Variants in ENPP2 observed in about 807,000 individuals in gnomAD.
ENPP2 encodes ectonucleotide pyrophosphatase/phosphodiesterase 2.
A neutral mutation model predicts 120.2 loss-of-function variants in ENPP2; 51 were observed. The ratio of observed to expected loss-of-function variants is 0.42; its 90% CI spans 0.34 to 0.54. The LOEUF (loss-of-function observed/expected upper bound fraction) is 0.54. Among genes scored for constraint, ENPP2 ranks in the 20% least tolerant of loss-of-function variants. The pLI, the probability that ENPP2 is intolerant of heterozygous loss-of-function variation, is 0.04. For synonymous variants in ENPP2, 365 were observed against 366.4 expected (o/e 1.00, Z 0.04); for missense variants, 920 against 1,066.5 (o/e 0.86, Z 1.91).
chr8:119,605,623 G>C (rs891771538), intron 9 of ENPP2, among the ~76,000 whole-genome samples: 6 of 137,356 alleles, frequency 4.4e-5, no homozygotes, highest in African/African-American at 1.7e-4. Context: ...CCCATGCCCA[G>C]CTAATTTTGT....
At chr8:119,565,743 C>T (rs554639757) in intron 22 of ENPP2, among the ~76,000 whole-genome samples, 153 of 152,304 alleles carry the variant, frequency 1.0e-3, no homozygotes, top group African/African-American at 3.3e-3. Flanking sequence ...TGAGCTATCA[C>T]ACCACAAAAG....
At chr8:119,654,059 C>G (rs1258405159) in intron 1 of ENPP2, among the ~76,000 whole-genome samples, 1 of 143,056 alleles carries the variant, frequency 7.0e-6, no homozygotes. Context: ...TCTAGAGAGA[C>G]ATATTATATA....
At chr8:119,569,781 G>A (rs1020274477) in intron 20 of ENPP2, among the ~76,000 whole-genome samples, 1 of 120,974 alleles carries the variant, frequency 8.3e-6, no homozygotes, top group African/African-American at 2.9e-5. Flanking sequence ...TGTGTAGAAT[G>A]TACAAGAACA....
chr8:119,657,139 G>A (rs1230077161), intron 1 of ENPP2, among the ~76,000 whole-genome samples: 1 of 152,016 alleles, frequency 6.6e-6, no homozygotes, highest in Non-Finnish European at 1.5e-5. Context: ...TGGCCAGTCT[G>A]GTCTCGAACT....
chr8:119,672,248 C>T (rs1008556441), intron 1 of ENPP2, among the ~76,000 whole-genome samples: 4 of 152,146 alleles, frequency 2.6e-5, no homozygotes, highest in Non-Finnish European at 2.9e-5. Context: ...AAACCGGAAG[C>T]TCCATTAAAT....
chr8:119,578,908 C>T (rs990943334), intron 19 of ENPP2, among the ~76,000 whole-genome samples: 2 of 152,164 alleles, frequency 1.3e-5, no homozygotes, highest in Non-Finnish European at 2.9e-5. Context: ...AATCTTCTAC[C>T]GGTTTCCTCA....
At chr8:119,624,543 G>T (rs1049350312) in intron 3 of ENPP2, among the ~76,000 whole-genome samples, 4 of 151,968 alleles carry the variant, frequency 2.6e-5, no homozygotes, top group African/African-American at 4.8e-5. Context: ...ATCTTAAGGA[G>T]AATAGGCAAA....
chr8:119,577,260 C>G (rs947643754), intron 19 of ENPP2, among the ~76,000 whole-genome samples: 14 of 152,298 alleles, frequency 9.2e-5, no homozygotes, highest in Admixed American at 9.2e-4. Flanking sequence ...ACTTTAAAAG[C>G]CTTCATATGT....
intron 4 of ENPP2, 128 bp downstream of exon 4, chr8:119,621,266 A>G (rs1012823001): frequency 1.3e-6 from 1 of 768,494 alleles, no homozygotes; most frequent in Non-Finnish European, 2.1e-6. Flanking sequence ...TGAGAAATTA[A>G]AAAGGACAAT....
chr8:119,666,847 T>C (rs1461985446), intron 1 of ENPP2, among the ~76,000 whole-genome samples: 1 of 151,986 alleles, frequency 6.6e-6, no homozygotes, highest in African/African-American at 2.4e-5. Flanking sequence ...AAAGGTATAT[T>C]TTCCAGGAGG....
At chr8:119,647,037 G>A (rs934716510) in intron 1 of ENPP2, among the ~76,000 whole-genome samples, 7 of 145,470 alleles carry the variant, frequency 4.8e-5, no homozygotes, top group African/African-American at 1.0e-4. Flanking sequence ...TGGCTCTGTC[G>A]CCCAGGCTGG....
intron 23 of ENPP2, among the ~76,000 whole-genome samples, chr8:119,564,443 C>G (rs1563667347): frequency 6.6e-6 from 1 of 151,890 alleles, no homozygotes; most frequent in Non-Finnish European, 1.5e-5. Context: ...TTTGGGAGGC[C>G]GAGGAGGGTA....
In ENPP2 at chr8:119,621,947, T is replaced by C. The variant is rs1815930437; in HGVS notation, c.293-428A>G. Reference sequence around the variant, plus strand: ...TTTTATTTTATTTATTTATTTATTTTTGACAGAGTCTTGCTCTCTTGCCCA... The same window carrying C: ...TTTTATTTTATTTATTTATTTATTTCTGACAGAGTCTTGCTCTCTTGCCCA... On this transcript the variant is annotated intron_variant, in intron 3 of 24. Coordinates refer to ENST00000075322, the MANE Select transcript of ENPP2 (RefSeq NM_001040092.3). 6.6e-5 allele frequency among the ~76,000 whole-genome samples: 10 copies of C among 152,300 alleles called. No individual in the cohort carries two copies. The South Asian group carries it at 2.1e-3, about 32-fold the overall frequency.
intron 8 of ENPP2, among the ~76,000 whole-genome samples, chr8:119,611,281 C>A (rs1357338641): frequency 6.6e-6 from 1 of 152,208 alleles, no homozygotes; most frequent in Non-Finnish European, 1.5e-5. Context: ...AGCAGTTCCT[C>A]GAAGGGAAAT....
At chr8:119,664,670 G>T (rs1413206131) in intron 1 of ENPP2, among the ~76,000 whole-genome samples, 1 of 152,110 alleles carries the variant, frequency 6.6e-6, no homozygotes, top group East Asian at 1.9e-4. Context: ...AGCTAGGCAC[G>T]GTGGCTCACA....
At chr8:119,561,546 A>G (rs1813931003) in intron 24 of ENPP2, among the ~76,000 whole-genome samples, 1 of 152,152 alleles carries the variant, frequency 6.6e-6, no homozygotes, top group Non-Finnish European at 1.5e-5. Context: ...AAGGACCTGA[A>G]GGTTTTTCCA....
intron 22 of ENPP2, among the ~76,000 whole-genome samples, chr8:119,565,405 C>A (rs139414256): frequency 3.2e-4 from 48 of 152,272 alleles, no homozygotes; most frequent in African/African-American, 1.1e-3. Context: ...TACCCCTGAC[C>A]TTTCCTGGAG....
chr8:119,635,876 C>T (rs1298657032), intron 2 of ENPP2, among the ~76,000 whole-genome samples: 1 of 152,258 alleles, frequency 6.6e-6, no homozygotes. Flanking sequence ...GAAACTAACA[C>T]CCCAGTCCAT....
At chr8:119,626,838 C>A in intron 2 of ENPP2, 118 bp from the exon 3 acceptor site, 1 of 882,218 alleles carries the variant, frequency 1.1e-6, no homozygotes, top group Non-Finnish European at 1.8e-6. Flanking sequence ...AGAACACTGG[C>A]TCCATTACTT....
Sources: gnomAD v4.1 joint callset for allele counts (sites outside exome capture counted in the v4.1 genomes callset) on GRCh38, gnomAD v4.1.1 for gene constraint, MANE v1.5 for transcripts, NCBI Gene and HGNC (gene_info 2026-07-23, HGNC 2026-07-21) for gene names.